The following SYNJ2 variants were observed in gnomAD, a reference collection of about 807,000 sequenced individuals.
SYNJ2 encodes synaptojanin 2.
Under a neutral mutation model 141.3 loss-of-function variants are expected in SYNJ2, and 116 were observed. That is an observed-to-expected ratio of 0.82 (90% CI 0.71 to 0.96). SYNJ2 has a LOEUF of 0.96. Among genes scored for constraint, SYNJ2 ranks in the 40% least tolerant of loss-of-function variants. The pLI is 0.00. For missense variants in SYNJ2, 1,873 were observed against 1,934.8 expected (o/e 0.97, Z 0.60); for synonymous variants, 745 against 777.7 (o/e 0.96, Z 0.70).
In SYNJ2 at chr6:158,089,821, C is replaced by A; in HGVS notation, c.3457-18C>A. 2 of 1,599,600 alleles carry A rather than the reference C, an allele frequency of 1.3e-6. No homozygotes were observed. The highest frequency in any genetic ancestry group is 1.7e-6 in the Non-Finnish European group (2 of 1,167,992). ...CTGCCTCTGCTGATACTCTGCTCTT[C>A]CTCATTCTGTCCTCAAGCCCAAGGC... is the stretch of plus-strand genomic sequence containing the variant. On this transcript the variant is annotated intron_variant, in intron 24 of 26. Coordinates refer to ENST00000355585, the MANE Select transcript of SYNJ2 (RefSeq NM_003898.4).
intron 23 of SYNJ2, among the ~76,000 whole-genome samples, chr6:158,087,741 A>T (rs1783150862): frequency 6.6e-6 from 1 of 152,192 alleles, no homozygotes; most frequent in Non-Finnish European, 1.5e-5. Flanking sequence ...TGCATAAGTC[A>T]TGTATTATTG....
chr6:158,031,956 G>A (rs1428384253), intron 3 of SYNJ2, among the ~76,000 whole-genome samples: 3 of 152,226 alleles, frequency 2.0e-5, no homozygotes, highest in African/African-American at 7.2e-5. Context: ...GCTTTGCCTT[G>A]ATGCCACATG....
At chr6:158,089,716 G>A (rs925889070) in intron 24 of SYNJ2, 123 bp from the exon 25 acceptor site, 5 of 633,408 alleles carry the variant, frequency 7.9e-6, no homozygotes, top group Middle Eastern at 4.3e-4. Flanking sequence ...GGTGGAGGCT[G>A]GAGTTTGTAT....
intron 1 of SYNJ2, chr6:158,016,992 A>G: frequency 8.0e-7 from 1 of 1,255,624 alleles, no homozygotes; most frequent in Non-Finnish European, 1.0e-6. Context: ...GCACTTCCAG[A>G]GAGCAAGCTG....
intron 26 of SYNJ2, chr6:158,093,740 C>T (rs1423523837): frequency 2.0e-5 from 12 of 609,808 alleles, no homozygotes; most frequent in Non-Finnish European, 3.2e-5. Flanking sequence ...CTGGTACCGC[C>T]CATTTGCGTG....
At chr6:158,011,118 G>A (rs144592717) in intron 1 of SYNJ2, among the ~76,000 whole-genome samples, 5 of 152,268 alleles carry the variant, frequency 3.3e-5, no homozygotes, top group African/African-American at 1.2e-4. Flanking sequence ...ACCACGCGGG[G>A]AGAGGATGAC....
intron 1 of SYNJ2, among the ~76,000 whole-genome samples, chr6:158,016,050 C>A (rs1778441149): frequency 6.6e-6 from 1 of 152,182 alleles, no homozygotes; most frequent in Non-Finnish European, 1.5e-5. Flanking sequence ...CCACTCTCAG[C>A]CCCTGGCAAC....
rs1209315909 is a variant in SYNJ2, at chr6:158,069,584, C to T, written c.1851C>T (p.Arg617=). The T allele has an allele frequency of 1.2e-6, 2 of 1,613,938 alleles. No homozygotes were observed. Among genetic ancestry groups the T allele is most frequent in the Non-Finnish European group, 8.5e-7 (1 of 1,179,950 alleles). ...AACAGCTTCAGAAAGCCATCTCACG[C>T]TCTCATAGATACATTCTGTTGACTT... ...WGEQLQKAIS[R]SHRYILLTSA... Residue 617 remains arginine (R), a synonymous_variant, in exon 14 of 27, where the codon CGC becomes CGT. Coordinates refer to ENST00000355585, the MANE Select transcript of SYNJ2 (RefSeq NM_003898.4).
intron 24 of SYNJ2, among the ~76,000 whole-genome samples, chr6:158,089,074 T>G (rs1783266441): frequency 6.6e-6 from 1 of 152,146 alleles, no homozygotes; most frequent in Non-Finnish European, 1.5e-5. Context: ...AGAGCATTGC[T>G]TGGTAGAAGG....
intron 12 of SYNJ2, among the ~76,000 whole-genome samples, chr6:158,068,176 A>C (rs1228330773): frequency 6.6e-6 from 1 of 150,416 alleles, no homozygotes; most frequent in Non-Finnish European, 1.5e-5. Context: ...AGTCAGGGAA[A>C]CTAGAGGTTC....
At chr6:158,060,850 G>A (rs1781178080) in intron 7 of SYNJ2, among the ~76,000 whole-genome samples, 1 of 152,266 alleles carries the variant, frequency 6.6e-6, no homozygotes, top group African/African-American at 2.4e-5. Context: ...GCGGAGAAGG[G>A]TGGGCTCCTG....
intron 4 of SYNJ2, among the ~76,000 whole-genome samples, chr6:158,038,829 G>A (rs1197676768): frequency 3.3e-5 from 5 of 152,208 alleles, no homozygotes; most frequent in East Asian, 1.9e-4. Flanking sequence ...CCTGGAGGTC[G>A]AGGGGAAGCA....
chr6:158,005,557 G>C (rs1364751342), intron 1 of SYNJ2, among the ~76,000 whole-genome samples: 2 of 144,834 alleles, frequency 1.4e-5, no homozygotes, highest in Non-Finnish European at 3.0e-5. Flanking sequence ...CCTCAGCCCT[G>C]GTTACATCCT....
chr6:158,081,411 T>C (rs763153268), intron 19 of SYNJ2, 21 bp from the exon 20 acceptor site: 3 of 1,613,754 alleles, frequency 1.9e-6, no homozygotes, highest in East Asian at 2.2e-5. Context: ...TGGCATTGAC[T>C]TGGAGTATCA....
intron 5 of SYNJ2, among the ~76,000 whole-genome samples, chr6:158,044,412 T>C (rs1214001618): frequency 2.6e-5 from 4 of 152,128 alleles, no homozygotes; most frequent in African/African-American, 9.7e-5. Flanking sequence ...GGCAGTGAGA[T>C]GGATGAATGG....
chr6:158,076,878 T>TAAATCA (rs1310977502), intron 17 of SYNJ2, 96 bp downstream of exon 17: 1 of 1,409,964 alleles, frequency 7.1e-7, no homozygotes, highest in Non-Finnish European at 9.4e-7. Context: ...CGCTGCTACA[T>TAAATCA]AAATCAGTTT....
chr6:158,062,886 A>G (rs1334172856), intron 8 of SYNJ2, among the ~76,000 whole-genome samples: 2 of 152,060 alleles, frequency 1.3e-5, no homozygotes, highest in African/African-American at 2.4e-5. Flanking sequence ...ATGGTTTAGA[A>G]TGGCCCCAAG....
In SYNJ2 at chr6:158,096,203, C is replaced by T. The variant is rs1783792039; in HGVS notation, c.4330C>T (p.Pro1444Ser). Reference protein sequence around the residue: ...SDPLDSGTRSPKRDPIDPVSA... With the variant: ...SDPLDSGTRSSKRDPIDPVSA... Reference sequence around the variant, plus strand: ...CCCTTTGGACTCAGGAACCAGGAGCCCCAAAAGAGATCCCATAGACCCAGT... The same window carrying T: ...CCCTTTGGACTCAGGAACCAGGAGCTCCAAAAGAGATCCCATAGACCCAGT... The change falls in exon 27 of 27, where the codon CCC (proline) becomes TCC (serine). Residue 1444 changes from proline (P) to serine (S), a missense_variant. Pro to Ser is a moderately conservative substitution (Grantham distance 74). Coordinates refer to ENST00000355585, the MANE Select transcript of SYNJ2 (RefSeq NM_003898.4). The T allele has an allele frequency of 1.2e-6, 2 of 1,614,088 alleles. No homozygotes were observed. Among genetic ancestry groups the T allele is most frequent in the African/African-American group, 1.3e-5 (1 of 74,924 alleles).
At chr6:158,068,276 G>A (rs1405977641) in intron 12 of SYNJ2, among the ~76,000 whole-genome samples, 2 of 152,170 alleles carry the variant, frequency 1.3e-5, no homozygotes, top group African/African-American at 4.8e-5. Context: ...GCTGGACCCT[G>A]GGGAGGTGGG....
Sources: gnomAD v4.1 joint callset for allele counts (sites outside exome capture counted in the v4.1 genomes callset) on GRCh38, gnomAD v4.1.1 for gene constraint, MANE v1.5 for transcripts, NCBI Gene and HGNC (gene_info 2026-07-23, HGNC 2026-07-21) for gene names.